Variants in YIPF7 observed in about 807,000 individuals in gnomAD.
YIPF7 encodes Yip1 domain family member 7, also known as protein YIPF7.
In YIPF7, 35 loss-of-function variants were observed where a neutral mutation model predicts 27.2. The ratio of observed to expected loss-of-function variants is 1.29; its 90% CI spans 0.98 to 1.70. YIPF7 has a LOEUF of 1.70. Ranked by LOEUF, YIPF7 falls within the 40% of genes most tolerant of loss-of-function variation. The pLI, the probability that YIPF7 is intolerant of heterozygous loss-of-function variation, is 0.00. For synonymous variants in YIPF7, 137 were observed against 110.4 expected, an observed-to-expected ratio of 1.24 and a Z score of -1.51; for missense variants, 358 against 303.7, an observed-to-expected ratio of 1.18 and a Z score of -1.33.
intron 2 of YIPF7, among the ~76,000 whole-genome samples, chr4:44,656,687 A>G (rs952955405): frequency 6.6e-5 from 10 of 151,740 alleles, no homozygotes; most frequent in Non-Finnish European, 1.3e-4. Flanking sequence ...CATTCAACAC[A>G]TATTTTTTTC....
chr4:44,652,625 A>C (rs981807230), upstream of YIPF7, among the ~76,000 whole-genome samples: 1 of 152,226 alleles, frequency 6.6e-6, no homozygotes, highest in Non-Finnish European at 1.5e-5. Flanking sequence ...TCAGGCAACA[A>C]TTGGTCACAC....
At chr4:44,637,780 T>C (rs992143003) in intron 2 of YIPF7, among the ~76,000 whole-genome samples, 5 of 152,162 alleles carry the variant, frequency 3.3e-5, no homozygotes, top group Non-Finnish European at 4.4e-5. Flanking sequence ...AAGCCCATTG[T>C]ATTATTCTTA....
chr4:44,625,842 AT>A (rs1401278125), intron 4 of YIPF7, among the ~76,000 whole-genome samples: 1 of 152,132 alleles, frequency 6.6e-6, no homozygotes, highest in Admixed American at 6.5e-5. Flanking sequence ...AAATTCATTA[AT>A]TTTTTATATT....
Position 44,622,523 on chromosome 4 carries a change from G to A in YIPF7, c.662C>T (p.Ser221Leu). 1.2e-6 allele frequency: 2 copies of A among 1,613,866 alleles called. No homozygotes were observed. The highest frequency in any genetic ancestry group is 1.7e-6 in the Non-Finnish European group (2 of 1,179,822). The change falls in exon 6 of 6, where the codon TCA (serine) becomes TTA (leucine). Residue 221 changes from serine (S) to leucine (L), a missense_variant. Ser to Leu is a moderately radical substitution (Grantham distance 145). Transcript: ENST00000415895. ...GGCTGCAATGAAGATCTTGGAAGCT[G>A]AGAGACTACACCAGCCAATGATGAC... ...SLVIIGWCSL[S>L]ASKIFIAALH...
At position 44,650,109 on chromosome 4, in the gene YIPF7, A is replaced by G. The variant is rs1158723792; in HGVS notation, c.-1-8T>C. 6.8e-7 allele frequency: 1 copy of G among 1,477,686 alleles called. No homozygotes were observed. The highest frequency in any genetic ancestry group is 1.4e-5 in the African/African-American group (1 of 71,900). The allele number at this position is 1,477,686 out of a possible 1,614,324, so 91.5% of individuals were successfully genotyped here. ...TGTGCCAAGTTTGACATCCTGAAAAATAAGAGTATGTTTTTAATAAGTTCA... is the reference window on the plus strand; with the variant it reads ...TGTGCCAAGTTTGACATCCTGAAAAGTAAGAGTATGTTTTTAATAAGTTCA... On this transcript the variant is annotated splice_region_variant and splice_polypyrimidine_tract_variant and intron_variant, in intron 1 of 5. Transcript: ENST00000415895.
chr4:44,627,856 C>A (rs1371956911), intron 4 of YIPF7, among the ~76,000 whole-genome samples: 1 of 151,926 alleles, frequency 6.6e-6, no homozygotes, highest in Non-Finnish European at 1.5e-5. Context: ...TTTCTCGCTT[C>A]CAGTTAAGAA....
intron 3 of YIPF7, among the ~76,000 whole-genome samples, chr4:44,631,530 G>A (rs1294963489): frequency 6.6e-6 from 1 of 151,654 alleles, no homozygotes; most frequent in Admixed American, 6.6e-5. Context: ...GCTAGACACT[G>A]GTCTAAACCA....
chr4:44,624,691 C>G lies in YIPF7; in HGVS notation c.518G>C (p.Gly173Ala), dbSNP rs1242843666. 1 of 1,609,856 alleles carries G rather than the reference C, an allele frequency of 6.2e-7. No homozygotes were observed. The highest frequency in any genetic ancestry group is 8.5e-7 in the Non-Finnish European group (1 of 1,178,208). The change falls in exon 5 of 6, where the codon GGG becomes GCG. Residue 173 changes from glycine to alanine, a missense_variant. Gly to Ala is a moderately conservative substitution (Grantham distance 60). Transcript: ENST00000415895. ...GCTGGCCACACAGCCGTACGACACC[C>G]CTGAAGAGCTCATCAGGTTCAGCAA... ...HALLNLMSSS[G>A]VSYGCVASVL...
chr4:44,644,116 A>G (rs1286828991), intron 2 of YIPF7, among the ~76,000 whole-genome samples: 1 of 152,148 alleles, frequency 6.6e-6, no homozygotes, highest in African/African-American at 2.4e-5. Context: ...CATCACCAGA[A>G]CATGGTGTGC....
intron 3 of YIPF7, among the ~76,000 whole-genome samples, chr4:44,634,593 A>G (rs1383799103): frequency 6.6e-6 from 1 of 152,164 alleles, no homozygotes; most frequent in Non-Finnish European, 1.5e-5. Flanking sequence ...TTAAGTACTC[A>G]GATGCATATA....
intron 4 of YIPF7, chr4:44,629,103 T>G (rs1712780536): frequency 4.4e-6 from 1 of 227,566 alleles, no homozygotes. Flanking sequence ...ATCTCCCAAA[T>G]CTATGTTTTC....
upstream of YIPF7, among the ~76,000 whole-genome samples, chr4:44,653,803 G>A (rs575182973): frequency 7.4e-4 from 113 of 151,942 alleles, no homozygotes; most frequent in South Asian, 1.5e-3. Context: ...AGTTCTTTAC[G>A]TGAGAACATA....
At position 44,622,092 on chromosome 4, in the gene YIPF7, C is replaced by CT. The variant is rs1712460510; in HGVS notation, c.*321dup. 1 of 235,466 alleles carries CT rather than the reference C, an allele frequency of 4.2e-6. No homozygotes were observed. The highest frequency in any genetic ancestry group is 8.3e-6 in the Non-Finnish European group (1 of 120,736). 14.6% of individuals were successfully genotyped at this position (235,466 alleles called of 1,614,324 possible). On this transcript the variant is annotated 3_prime_UTR_variant, in exon 6 of 6. Coordinates refer to ENST00000415895, the MANE Select transcript of YIPF7 (RefSeq NM_182592.3). ...TCTCAAAAGGCTTACTAGAGATTTC[C>CT]TTTTAGTAAACATATGAGTTTATTT...
chr4:44,650,772 C>T (rs540985573), intron 1 of YIPF7, among the ~76,000 whole-genome samples: 1 of 152,316 alleles, frequency 6.6e-6, no homozygotes, highest in South Asian at 2.1e-4. Context: ...CTATAGTTTC[C>T]ACTCACTTCT....
At chr4:44,624,498 T>C (rs1295832436) in intron 5 of YIPF7, 103 bp downstream of exon 5, 1 of 1,301,686 alleles carries the variant, frequency 7.7e-7, no homozygotes, top group Non-Finnish European at 1.0e-6. Flanking sequence ...TTTTCCCAGT[T>C]CCACTACCAA....
chr4:44,638,328 G>A (rs1172382341), intron 2 of YIPF7, among the ~76,000 whole-genome samples: 1 of 151,600 alleles, frequency 6.6e-6, no homozygotes, highest in South Asian at 2.1e-4. Context: ...TTGCACTCAG[G>A]CCCGCCAGTC....
intron 4 of YIPF7, among the ~76,000 whole-genome samples, chr4:44,625,939 T>G (rs1041775345): frequency 2.0e-5 from 3 of 152,184 alleles, no homozygotes; most frequent in African/African-American, 4.8e-5. Context: ...CAATGAAGGA[T>G]CTGATAAATT....
At chr4:44,642,139 A>T (rs963514019) in intron 2 of YIPF7, among the ~76,000 whole-genome samples, 2 of 152,142 alleles carry the variant, frequency 1.3e-5, no homozygotes, top group East Asian at 3.9e-4. Context: ...AGTAAACATA[A>T]CCTTCACTGT....
At position 44,622,188 on chromosome 4, in the gene YIPF7, G is replaced by A; in HGVS notation, c.*226C>T. On this transcript the variant is annotated 3_prime_UTR_variant, in exon 6 of 6. Transcript: ENST00000415895. ...TCAGTACAGCAACTGTATCCCTTTT[G>A]ATTTTAAGTATTTTGAAATGTTTTA... 1.8e-6 allele frequency: 1 copy of A among 544,566 alleles called. No individual in the cohort carries two copies. Among genetic ancestry groups the A allele is most frequent in the Non-Finnish European group, 3.2e-6 (1 of 309,292 alleles). 33.7% of individuals were successfully genotyped at this position (544,566 alleles called of 1,614,324 possible).
Sources: gnomAD v4.1 joint callset for allele counts (sites outside exome capture counted in the v4.1 genomes callset) on GRCh38, gnomAD v4.1.1 for gene constraint, MANE v1.5 for transcripts, NCBI Gene and HGNC (gene_info 2026-07-23, HGNC 2026-07-21) for gene names.